SEZ6: variants seen among roughly 807,000 people sequenced by gnomAD.
SEZ6 encodes seizure protein 6 homolog.
In SEZ6, 53 loss-of-function variants were observed where a neutral mutation model predicts 101.0. That is an observed-to-expected ratio of 0.52 (90% confidence interval 0.42 to 0.66). The LOEUF is 0.66. SEZ6 is among the 30% of genes least tolerant of loss of function. SEZ6 has a pLI of 0.00. For missense variants in SEZ6, 1,102 were observed against 1,289.4 expected (o/e 0.85, Z 2.23); for synonymous variants, 488 against 512.2 (o/e 0.95, Z 0.64).
chr17:28,975,069 C>A (rs570319992), intron 3 of SEZ6, among the ~76,000 whole-genome samples: 4 of 152,326 alleles, frequency 2.6e-5, no homozygotes, highest in African/African-American at 9.6e-5. Flanking sequence ...CACAGAGGGG[C>A]ACAGCGCTAG....
chr17:28,998,972 G>T (rs1167118722), intron 1 of SEZ6, among the ~76,000 whole-genome samples: 1 of 152,184 alleles, frequency 6.6e-6, no homozygotes, highest in Non-Finnish European at 1.5e-5. Context: ...TGGAGAGATA[G>T]TCACAACTGA....
chr17:28,991,905 A>G (rs1320918368), intron 1 of SEZ6, among the ~76,000 whole-genome samples: 1 of 152,056 alleles, frequency 6.6e-6, no homozygotes, highest in Non-Finnish European at 1.5e-5. Flanking sequence ...GTTTAGGAGG[A>G]TTTTATGGGT....
rs1416187654 is a variant in SEZ6, at chr17:28,989,956, CAGCTACTCAGGA to C, written c.56-7929_56-7918del. 6.6e-5 allele frequency among the ~76,000 whole-genome samples: 10 copies of C among 152,138 alleles called. No homozygotes were observed. The East Asian group carries it at 1.5e-3, about 23-fold the overall frequency. On this transcript the variant is annotated intron_variant, in intron 1 of 16. Coordinates refer to ENST00000317338, the MANE Select transcript of SEZ6 (RefSeq NM_178860.5). ...GCGTGGTGGTGCACACCTGTAATCC[CAGCTACTCAGGA>C]AGCTAAGGCAGGAGAATCACTTGAA...
chr17:28,957,806 A>G (rs1734890119), intron 11 of SEZ6, 141 bp downstream of exon 11: 1 of 1,016,838 alleles, frequency 9.8e-7, no homozygotes, highest in Non-Finnish European at 1.4e-6. Flanking sequence ...TCCCCATTTC[A>G]CAGATGAGGA....
Position 29,000,237 on chromosome 17 carries a change from G to A in SEZ6, c.55+5578C>T, listed in dbSNP as rs114633333. On this transcript the variant is annotated intron_variant, in intron 1 of 16. Coordinates refer to ENST00000317338, the MANE Select transcript of SEZ6 (RefSeq NM_178860.5). ...CTGTAGTGAAGCTCTCCCCTATGCC[G>A]GGAAAGTGGACATAGTGCTAGCTGA... is the stretch of plus-strand genomic sequence containing the variant. Among the ~76,000 whole-genome samples the A allele has an allele frequency of 1.7e-3, 258 of 152,304 alleles. 1 individual carries two copies. The highest frequency in any genetic ancestry group is 6.0e-3 in the African/African-American group (251 of 41,566).
Position 29,006,016 on chromosome 17 carries a change from T to G in SEZ6, c.-147A>C, listed in dbSNP as rs1040218947. 4 of 605,626 alleles carry G rather than the reference T, an allele frequency of 6.6e-6. No homozygotes were observed. The African/African-American group carries it at 7.9e-5, about 12-fold the overall frequency. The allele number at this position is 605,626 out of a possible 1,614,324, so 37.5% of individuals were successfully genotyped here. Reference sequence around the variant, plus strand: ...CACCGCCGCTGCCGCCGCCAGCGCCTGACAGAATCAGCACCACGGCCAGCG... The same window carrying G: ...CACCGCCGCTGCCGCCGCCAGCGCCGGACAGAATCAGCACCACGGCCAGCG... On this transcript the variant is annotated 5_prime_UTR_variant, in exon 1 of 17. Coordinates refer to ENST00000317338, the MANE Select transcript of SEZ6 (RefSeq NM_178860.5).
intron 3 of SEZ6, among the ~76,000 whole-genome samples, chr17:28,975,931 C>T (rs988716955): frequency 4.6e-5 from 7 of 152,258 alleles, no homozygotes; most frequent in African/African-American, 1.7e-4. Flanking sequence ...AGGCAGGCGC[C>T]AGGCCCGGAA....
chr17:29,004,745 C>G (rs975400103), intron 1 of SEZ6, among the ~76,000 whole-genome samples: 1 of 152,124 alleles, frequency 6.6e-6, no homozygotes, highest in Non-Finnish European at 1.5e-5. Context: ...GCGGTTCTGC[C>G]GACCCTACCA....
Position 29,002,698 on chromosome 17 carries a change from G to T in SEZ6, c.55+3117C>A, listed in dbSNP as rs559828859. Among the ~76,000 whole-genome samples, 9 of 152,322 alleles carry T rather than the reference G, an allele frequency of 5.9e-5. No homozygotes were observed. The East Asian group carries it at 1.5e-3, about 26-fold the overall frequency. Reference sequence around the variant, plus strand: ...AGTGCCAGGCTGGGGACAAGGAACAGGACCTAGTATTGGTTTCAGCAGCAG... The same window carrying T: ...AGTGCCAGGCTGGGGACAAGGAACATGACCTAGTATTGGTTTCAGCAGCAG... On this transcript the variant is annotated intron_variant, in intron 1 of 16. Coordinates refer to ENST00000317338, the MANE Select transcript of SEZ6 (RefSeq NM_178860.5).
At chr17:28,997,874 C>A (rs1339170493) in intron 1 of SEZ6, among the ~76,000 whole-genome samples, 1 of 152,156 alleles carries the variant, frequency 6.6e-6, no homozygotes, top group Non-Finnish European at 1.5e-5. Context: ...CCCTGACCAG[C>A]CTTCTTCCTC....
At chr17:28,958,661 G>A (rs1225420139) in intron 10 of SEZ6, among the ~76,000 whole-genome samples, 1 of 152,060 alleles carries the variant, frequency 6.6e-6, no homozygotes, top group African/African-American at 2.4e-5. Context: ...GTGGTGGCAT[G>A]TGCCTATAAT....
chr17:28,963,669 T>G (rs923160006), intron 5 of SEZ6, among the ~76,000 whole-genome samples: 2 of 152,258 alleles, frequency 1.3e-5, no homozygotes, highest in Admixed American at 1.3e-4. Context: ...TGGTGCTTTT[T>G]ACTTCTTCCC....
chr17:28,977,354 A>G (rs2041234574), intron 3 of SEZ6, among the ~76,000 whole-genome samples: 1 of 152,126 alleles, frequency 6.6e-6, no homozygotes, highest in Non-Finnish European at 1.5e-5. Context: ...CCCCTCCATG[A>G]CTTCAGACTA....
intron 5 of SEZ6, among the ~76,000 whole-genome samples, chr17:28,963,213 T>C (rs2041013062): frequency 6.6e-6 from 1 of 152,196 alleles, no homozygotes; most frequent in South Asian, 2.1e-4. Flanking sequence ...CCCTTTTCAT[T>C]GGCAGCAATC....
In SEZ6 at chr17:28,983,750, T is replaced by A. The variant is rs1179703038; in HGVS notation, c.56-1711A>T. Among the ~76,000 whole-genome samples the A allele has an allele frequency of 2.6e-5, 4 of 152,144 alleles. No individual in the cohort carries two copies. The East Asian group carries it at 7.8e-4, about 30-fold the overall frequency. On this transcript the variant is annotated intron_variant, in intron 1 of 16. Coordinates refer to ENST00000317338, the MANE Select transcript of SEZ6 (RefSeq NM_178860.5). The stretch of plus-strand genomic sequence containing the variant: ...CCTTACAGCTCTCAAAATGGCTGCA[T>A]GAGGACTTGAAGGGAAACACAGCCG...
Position 29,005,955 on chromosome 17 carries a change from G to C in SEZ6, c.-86C>G. ...GGGCTTGGGCGCGGGGGCAGAGCCG[G>C]GTCCGGCCGGGTAGAGGGAGCGGGG... is the stretch of plus-strand genomic sequence containing the variant. On this transcript the variant is annotated 5_prime_UTR_variant, in exon 1 of 17. Coordinates refer to ENST00000317338, the MANE Select transcript of SEZ6 (RefSeq NM_178860.5). This position sits in a 1 kb window ranked among gnomAD's most constrained non-coding sequence, Gnocchi z 4.8. 8.4e-7 allele frequency: 1 copy of C among 1,192,492 alleles called. No individual in the cohort carries two copies. Among genetic ancestry groups the C allele is most frequent in the Non-Finnish European group, 1.1e-6 (1 of 934,032 alleles). The allele number at this position is 1,192,492 out of a possible 1,614,324, so 73.9% of individuals were successfully genotyped here.
Position 29,005,881 on chromosome 17 carries a change from C to A in SEZ6, c.-12G>T. On this transcript the variant is annotated 5_prime_UTR_variant, in exon 1 of 17. Transcript: ENST00000317338. The surrounding 1 kb of genome is among the most constrained non-coding windows in gnomAD (Gnocchi z 4.8). ...GCTACCGGGCGCATGGTGCTGGTTG[C>A]GGCCGCGCCCTGGGCTGGGACCGCG... The A allele has an allele frequency of 1.4e-6, 2 of 1,448,052 alleles. No homozygotes were observed. The highest frequency in any genetic ancestry group is 2.6e-5 in the South Asian group (2 of 77,614). The allele number at this position is 1,448,052 out of a possible 1,614,324, so 89.7% of individuals were successfully genotyped here.
chr17:29,005,828 C>G lies in SEZ6; in HGVS notation c.42G>C (p.Ala14=). Reference sequence around the variant, plus strand: ...GGGGTCCCTTACCGTGAGCCAGGAGCGCCAGCAGCGAGGGCAGGAGCAGCA... The same window carrying G: ...GGGGTCCCTTACCGTGAGCCAGGAGGGCCAGCAGCGAGGGCAGGAGCAGCA... ...VALLLLPSLL[A]LLAHGLSLEA... The change falls in exon 1 of 17, where the codon GCG becomes GCC. Residue 14 remains alanine, a synonymous_variant. Transcript: ENST00000317338. The surrounding 1 kb of genome is among the most constrained non-coding windows in gnomAD (Gnocchi z 4.8). 1 of 1,485,622 alleles carries G rather than the reference C, an allele frequency of 6.7e-7. No individual in the cohort carries two copies. Among genetic ancestry groups the G allele is most frequent in the South Asian group, 1.2e-5 (1 of 80,596 alleles). 92.0% of individuals were successfully genotyped at this position (1,485,622 alleles called of 1,614,324 possible).
intron 1 of SEZ6, among the ~76,000 whole-genome samples, chr17:28,999,491 G>T (rs2041586462): frequency 1.3e-5 from 2 of 152,192 alleles, no homozygotes; most frequent in African/African-American, 4.8e-5. Flanking sequence ...TGGAGACCCG[G>T]ATTGTTGTTG....
Sources: allele counts gnomAD v4.1 joint callset (sites outside exome capture counted in the v4.1 genomes callset), GRCh38; gene constraint gnomAD v4.1.1; non-coding constraint Gnocchi (gnomAD v3.1); transcripts MANE v1.5; gene names NCBI Gene and HGNC (gene_info 2026-07-23, HGNC 2026-07-21).